The following ATP10A variants were observed in gnomAD, a reference collection of about 807,000 sequenced individuals.
ATP10A encodes the protein ATPase phospholipid transporting 10A (putative), also known as phospholipid-transporting ATPase VA.
ATP10A carries 111 observed loss-of-function variants against 147.8 expected under a neutral mutation model. The ratio of observed to expected loss-of-function variants is 0.75; its 90% CI spans 0.64 to 0.88. ATP10A has a LOEUF of 0.88. Among genes scored for constraint, ATP10A ranks in the 40% least tolerant of loss-of-function variants. The pLI, the probability that ATP10A is intolerant of heterozygous loss-of-function variation, is 0.00. For missense variants in ATP10A, 1,927 were observed against 1,959.0 expected, an observed-to-expected ratio of 0.98 and a Z score of 0.31; for synonymous variants, 875 against 841.6, an observed-to-expected ratio of 1.04 and a Z score of -0.69.
chr15:25,716,175 G>C (rs1198553388), intron 9 of ATP10A, among the ~76,000 whole-genome samples: 2 of 152,196 alleles, frequency 1.3e-5, no homozygotes, highest in Non-Finnish European at 1.5e-5. Context: ...GGCCCAGGCG[G>C]GCACCCCAGG....
chr15:25,723,442 A>G (rs1269740947), intron 6 of ATP10A, among the ~76,000 whole-genome samples: 1 of 152,066 alleles, frequency 6.6e-6, no homozygotes, highest in Non-Finnish European at 1.5e-5. Flanking sequence ...ATATGTTCAC[A>G]TTAGGGGAAA....
At chr15:25,763,468 CAGA>C (rs2140636630) in intron 2 of ATP10A, among the ~76,000 whole-genome samples, 1 of 152,328 alleles carries the variant, frequency 6.6e-6, no homozygotes, top group South Asian at 2.1e-4. Flanking sequence ...ACTGGGCTCC[CAGA>C]AGGATGCCTC....
At chr15:25,680,542 G>A (rs1347486674) in intron 19 of ATP10A, among the ~76,000 whole-genome samples, 1 of 152,172 alleles carries the variant, frequency 6.6e-6, no homozygotes, top group Admixed American at 6.5e-5. Context: ...GGGCAAGACA[G>A]GAGGGAAAGG....
intron 1 of ATP10A, among the ~76,000 whole-genome samples, chr15:25,790,228 T>C (rs555775439): frequency 1.3e-5 from 2 of 152,336 alleles, no homozygotes; most frequent in African/African-American, 4.8e-5. Flanking sequence ...TGGAGTGCTT[T>C]TTCTGGAGTG....
chr15:25,810,915 A>T (rs1415052767), intron 1 of ATP10A, among the ~76,000 whole-genome samples: 1 of 152,144 alleles, frequency 6.6e-6, no homozygotes, highest in Non-Finnish European at 1.5e-5. Context: ...CAGCCTTACA[A>T]AGGCACACAA....
chr15:25,690,745 C>T (rs1019612530), intron 15 of ATP10A, among the ~76,000 whole-genome samples: 2 of 152,200 alleles, frequency 1.3e-5, no homozygotes, highest in South Asian at 4.1e-4. Context: ...TCCCCTTGTG[C>T]AAGGTGCCAC....
rs545585810 is a variant in ATP10A, at chr15:25,734,428, C to A, written c.740+1628G>T. ...AACATTCTCCAGAGATTGCCCTCGC[C>A]CCACCCTTCACAATCATTGTTTCAG... On this transcript the variant is annotated intron_variant, in intron 3 of 20. Coordinates refer to ENST00000555815, the MANE Select transcript of ATP10A (RefSeq NM_024490.4). 4.5e-4 allele frequency among the ~76,000 whole-genome samples: 69 copies of A among 152,324 alleles called. 1 individual carries two copies. Among genetic ancestry groups the A allele is most frequent in the African/African-American group, 1.6e-3 (68 of 41,570 alleles).
At chr15:25,775,168 G>A (rs1345923946) in intron 2 of ATP10A, among the ~76,000 whole-genome samples, 1 of 152,192 alleles carries the variant, frequency 6.6e-6, no homozygotes, top group Non-Finnish European at 1.5e-5. Flanking sequence ...TAGGGAAAAA[G>A]AGACTTGGGT....
downstream of ATP10A, among the ~76,000 whole-genome samples, chr15:25,672,348 C>A (rs2925301): frequency 0.99 from 151,392 of 152,352 alleles, 75,229 homozygotes; most frequent in East Asian, 1. Flanking sequence ...ATAATATCCC[C>A]TTCTATGTAG....
intron 1 of ATP10A, among the ~76,000 whole-genome samples, chr15:25,856,088 A>G (rs115952211): frequency 0.015 from 2,352 of 152,350 alleles, 64 homozygotes; most frequent in African/African-American, 0.054. Flanking sequence ...ATTTCAAAGT[A>G]AAAAGCTTAA....
intron 2 of ATP10A, among the ~76,000 whole-genome samples, chr15:25,754,817 A>C (rs1179241669): frequency 6.6e-6 from 1 of 152,194 alleles, no homozygotes; most frequent in East Asian, 1.9e-4. Context: ...CATTATGTAA[A>C]ACGTTCCAGA....
At chr15:25,745,592 T>C (rs964334676) in intron 2 of ATP10A, among the ~76,000 whole-genome samples, 1 of 151,894 alleles carries the variant, frequency 6.6e-6, no homozygotes, top group Non-Finnish European at 1.5e-5. Flanking sequence ...GAAATTGGCC[T>C]GATGAAAGGA....
intron 1 of ATP10A, among the ~76,000 whole-genome samples, chr15:25,813,663 T>A (rs763680680): frequency 6.6e-6 from 1 of 152,132 alleles, no homozygotes; most frequent in East Asian, 1.9e-4. Context: ...TTAAGTTACA[T>A]AGAGACATGG....
chr15:25,761,759 A>G (rs937853079), intron 2 of ATP10A, among the ~76,000 whole-genome samples: 2 of 152,140 alleles, frequency 1.3e-5, no homozygotes, highest in Non-Finnish European at 2.9e-5. Flanking sequence ...CTGTTCCCCC[A>G]TTGTATCTAG....
intron 13 of ATP10A, among the ~76,000 whole-genome samples, chr15:25,699,260 CAAAT>C (rs1216164398): frequency 4.6e-5 from 7 of 152,122 alleles, no homozygotes; most frequent in African/African-American, 9.7e-5. Flanking sequence ...GATAGACAAA[CAAAT>C]GAATGGAACA....
chr15:25,741,105 T>C (rs958623824), intron 2 of ATP10A, among the ~76,000 whole-genome samples: 1 of 152,188 alleles, frequency 6.6e-6, no homozygotes, highest in African/African-American at 2.4e-5. Flanking sequence ...TTAGTCCCCA[T>C]GCAGACATCA....
In ATP10A at chr15:25,701,289, T is replaced by C. The variant is rs73361184; in HGVS notation, c.2760+627A>G. Reference sequence around the variant, plus strand: ...AAAGTCCCAAGGTCCTGATAGCTGATGGTGCAGGTGTGGACCTAAGAGGGG... The same window carrying C: ...AAAGTCCCAAGGTCCTGATAGCTGACGGTGCAGGTGTGGACCTAAGAGGGG... On this transcript the variant is annotated intron_variant, in intron 13 of 20. Transcript: ENST00000555815. Among the ~76,000 whole-genome samples, 902 of 152,248 alleles carry C rather than the reference T, an allele frequency of 5.9e-3. 11 individuals carry two copies. Among genetic ancestry groups the C allele is most frequent in the African/African-American group, 0.021 (872 of 41,538 alleles).
chr15:25,672,824 T>C (rs373942355), downstream of ATP10A, among the ~76,000 whole-genome samples: 1 of 152,140 alleles, frequency 6.6e-6, no homozygotes, highest in Non-Finnish European at 1.5e-5. Flanking sequence ...TTGTAGGATA[T>C]GTTTGGTGGT....
intron 13 of ATP10A, among the ~76,000 whole-genome samples, chr15:25,696,434 T>A (rs1900342023): frequency 6.6e-6 from 1 of 152,136 alleles, no homozygotes; most frequent in Non-Finnish European, 1.5e-5. Flanking sequence ...GAATGCAGGA[T>A]GCCATCACAG....
Sources: gnomAD v4.1 joint callset for allele counts (sites outside exome capture counted in the v4.1 genomes callset) on GRCh38, gnomAD v4.1.1 for gene constraint, MANE v1.5 for transcripts, NCBI Gene and HGNC (gene_info 2026-07-23, HGNC 2026-07-21) for gene names.